Variants in NAA16 observed in about 807,000 individuals in gnomAD.
The protein encoded by NAA16 is N-alpha-acetyltransferase 16, NatA auxiliary subunit, also known as NARG1-like protein.
Under a neutral mutation model 110.3 loss-of-function variants are expected in NAA16, and 97 were observed. The ratio of observed to expected loss-of-function variants is 0.88; its 90% CI spans 0.75 to 1.04. The LOEUF (loss-of-function observed/expected upper bound fraction) is 1.04. Among genes scored for constraint, NAA16 ranks in the 50% least tolerant of loss-of-function variants. The pLI, the probability that NAA16 is intolerant of heterozygous loss-of-function variation, is 0.00. For synonymous variants in NAA16, 372 were observed against 330.6 expected (o/e 1.13, Z -1.36); for missense variants, 1,017 against 1,005.1 (o/e 1.01, Z -0.16).
At chr13:41,324,528 A>G (rs911092185) in intron 5 of NAA16, among the ~76,000 whole-genome samples, 1 of 150,336 alleles carries the variant, frequency 6.7e-6, no homozygotes, top group Admixed American at 6.6e-5. Context: ...GGCCCCCACC[A>G]CTGGGTCTGG....
At chr13:41,333,354 C>T (rs528997852) in intron 8 of NAA16, among the ~76,000 whole-genome samples, 1 of 152,154 alleles carries the variant, frequency 6.6e-6, no homozygotes, top group African/African-American at 2.4e-5. Flanking sequence ...TGTTGTGCAA[C>T]CATCATCTCT....
intron 9 of NAA16, among the ~76,000 whole-genome samples, chr13:41,340,042 T>C (rs2042494012): frequency 6.6e-6 from 1 of 152,146 alleles, no homozygotes; most frequent in African/African-American, 2.4e-5. Flanking sequence ...TTGTCTTTTA[T>C]AAATAAGAAT....
intron 11 of NAA16, 81 bp downstream of exon 11, chr13:41,358,554 C>G: frequency 1.3e-6 from 2 of 1,562,376 alleles, no homozygotes; most frequent in Non-Finnish European, 1.7e-6. Flanking sequence ...TTTGTGGAAA[C>G]AAGTTCTAGG....
intron 15 of NAA16, among the ~76,000 whole-genome samples, chr13:41,370,098 A>C (rs1472834803): frequency 1.3e-5 from 2 of 152,202 alleles, no homozygotes; most frequent in Non-Finnish European, 2.9e-5. Flanking sequence ...ATTTAAGGAA[A>C]TATTTAGTTT....
intron 9 of NAA16, among the ~76,000 whole-genome samples, chr13:41,349,744 T>A (rs1448608837): frequency 6.6e-6 from 1 of 151,964 alleles, no homozygotes; most frequent in African/African-American, 2.4e-5. Context: ...GTGGGTAGAT[T>A]ACCTGAGGTC....
At chr13:41,338,257 A>G (rs1395218305) in intron 9 of NAA16, among the ~76,000 whole-genome samples, 1 of 152,228 alleles carries the variant, frequency 6.6e-6, no homozygotes, top group African/African-American at 2.4e-5. Flanking sequence ...GCTACTGACT[A>G]CAGTGGACAT....
chr13:41,331,689 A>G (rs963403054), intron 8 of NAA16, among the ~76,000 whole-genome samples: 2 of 152,128 alleles, frequency 1.3e-5, no homozygotes, highest in African/African-American at 4.8e-5. Flanking sequence ...TAATGGGTAC[A>G]AACATACAGT....
chr13:41,347,225 AAACAAAAAC>A lies in NAA16; in HGVS notation c.1015-7916_1015-7908del, dbSNP rs1566276492. On this transcript the variant is annotated intron_variant, in intron 9 of 19. Coordinates refer to ENST00000379406, the MANE Select transcript of NAA16 (RefSeq NM_024561.5). Reference sequence around the variant, plus strand: ...GCGAGACTCCGTCTCAAAAAAAAAAAAACAAAAACAAAAACAAAAAAAGAAATCAGGAAG... The same window carrying A: ...GCGAGACTCCGTCTCAAAAAAAAAAAAAAAACAAAAAAAGAAATCAGGAAG... Among the ~76,000 whole-genome samples, 9 of 17,338 alleles carry A rather than the reference AAACAAAAAC, an allele frequency of 5.2e-4. 2 individuals are homozygous for A. The highest frequency in any genetic ancestry group is 6.9e-4 in the Non-Finnish European group (7 of 10,212). The allele number at this position is 17,338 out of a possible 152,430, so 11.4% of individuals were successfully genotyped here. A position where few individuals can be genotyped will look rare whatever the true frequency, so the allele number is the denominator to read the frequency against.
At chr13:41,329,602 G>T (rs1003850928) in intron 7 of NAA16, among the ~76,000 whole-genome samples, 2 of 150,746 alleles carry the variant, frequency 1.3e-5, no homozygotes, top group African/African-American at 2.4e-5. Context: ...TACAAGAAAA[G>T]TTTAATTGTT....
intron 9 of NAA16, among the ~76,000 whole-genome samples, chr13:41,347,438 T>C (rs897607173): frequency 1.3e-5 from 2 of 152,144 alleles, no homozygotes; most frequent in African/African-American, 4.8e-5. Context: ...GCAGATCATT[T>C]TGGAAGTATC....
intron 9 of NAA16, among the ~76,000 whole-genome samples, chr13:41,342,690 A>T (rs1329878765): frequency 6.6e-6 from 1 of 152,240 alleles, no homozygotes; most frequent in Non-Finnish European, 1.5e-5. Context: ...GGTCTGAGTC[A>T]TAATGCCAAC....
At position 41,328,721 on chromosome 13, in the gene NAA16, C is replaced by A. The variant is rs1377294630; in HGVS notation, c.692-3C>A. The A allele has an allele frequency of 6.3e-7, 1 of 1,599,968 alleles. No homozygotes were observed. On this transcript the variant is annotated splice_polypyrimidine_tract_variant and splice_region_variant and intron_variant, in intron 6 of 19. Coordinates refer to ENST00000379406, the MANE Select transcript of NAA16 (RefSeq NM_024561.5). The stretch of plus-strand genomic sequence containing the variant: ...ATGAATATGTCTTTAAACTTAATTT[C>A]AGGGGAAATACTGTTGAAATTGGGA...
chr13:41,311,473 G>T lies in NAA16; in HGVS notation c.-56G>T, dbSNP rs1593373203. On this transcript the variant is annotated 5_prime_UTR_variant, in exon 1 of 20. Coordinates refer to ENST00000379406, the MANE Select transcript of NAA16 (RefSeq NM_024561.5). ...GTCCCGGTGCCCACCCCCGCGAAGC[G>T]GAGCGCCCGGGCACCTAGCCTCCCT... 6.5e-7 allele frequency: 1 copy of T among 1,537,964 alleles called. No homozygotes were observed. The highest frequency in any genetic ancestry group is 8.8e-7 in the Non-Finnish European group (1 of 1,134,330).
intron 9 of NAA16, among the ~76,000 whole-genome samples, chr13:41,346,343 C>CT (rs1366463717): frequency 2.6e-5 from 4 of 152,238 alleles, no homozygotes; most frequent in African/African-American, 9.6e-5. Flanking sequence ...ATGTGTATGA[C>CT]TGTCTTTATT....
chr13:41,317,051 T>A, intron 2 of NAA16, 121 bp downstream of exon 2: 1 of 667,578 alleles, frequency 1.5e-6, no homozygotes, highest in South Asian at 1.7e-5. Context: ...AGTGCATAAA[T>A]GTTCAGCATT....
chr13:41,336,412 CA>C (rs2139429933), intron 8 of NAA16, among the ~76,000 whole-genome samples: 1 of 152,152 alleles, frequency 6.6e-6, no homozygotes, highest in South Asian at 2.1e-4. Flanking sequence ...TGCATATCTG[CA>C]GGGTTTTGAG....
At chr13:41,328,166 A>G (rs1163734333) in intron 6 of NAA16, 3 of 151,988 alleles carry the variant, frequency 2.0e-5, no homozygotes, top group Non-Finnish European at 4.4e-5. Context: ...GGCTTAGTAA[A>G]AGGATTTGAC....
At chr13:41,327,137 T>C (rs529598946) in intron 6 of NAA16, among the ~76,000 whole-genome samples, 6 of 152,268 alleles carry the variant, frequency 3.9e-5, no homozygotes, top group Non-Finnish European at 7.4e-5. Context: ...CATGAGCGTC[T>C]TACTTTTAAC....
chr13:41,376,608 T>C lies in NAA16; in HGVS notation c.*1006T>C, dbSNP rs2139526170. 1 of 152,322 alleles carries C rather than the reference T, an allele frequency of 6.6e-6. No homozygotes were observed. The highest frequency in any genetic ancestry group is 6.5e-5 in the Admixed American group (1 of 15,306). The allele number at this position is 152,322 out of a possible 1,614,324, so 9.4% of individuals were successfully genotyped here. On this transcript the variant is annotated 3_prime_UTR_variant, in exon 20 of 20. Transcript: ENST00000379406. ...ACAAGTAGCTTATACTGAGGTGTGCTTCAAGGGAGCATTATAGGGCAGAAA... is the reference window on the plus strand; with the variant it reads ...ACAAGTAGCTTATACTGAGGTGTGCCTCAAGGGAGCATTATAGGGCAGAAA...
Sources: allele counts gnomAD v4.1 joint callset (sites outside exome capture counted in the v4.1 genomes callset), GRCh38; gene constraint gnomAD v4.1.1; transcripts MANE v1.5; gene names NCBI Gene and HGNC (gene_info 2026-07-23, HGNC 2026-07-21).